ISLR2: variants seen among roughly 807,000 people sequenced by gnomAD.
ISLR2 encodes the protein immunoglobulin superfamily containing leucine rich repeat 2.
Under a neutral mutation model 25.5 loss-of-function variants are expected in ISLR2, and 16 were observed. The ratio of observed to expected loss-of-function variants is 0.63; its 90% CI spans 0.43 to 0.95. The LOEUF (loss-of-function observed/expected upper bound fraction) is 0.95, where lower values mean the gene tolerates loss of function less well. Ranked by LOEUF, ISLR2 falls within the 40% of genes least tolerant of loss-of-function variation. The pLI, the probability that ISLR2 is intolerant of heterozygous loss-of-function variation, is 0.00. For missense variants in ISLR2, 883 were observed against 1,030.7 expected (o/e 0.86, Z 1.96); for synonymous variants, 508 against 486.6 (o/e 1.04, Z -0.58).
chr15:74,133,033 C>A lies in ISLR2; in HGVS notation c.279C>A (p.Gly93=), dbSNP rs772550705. The A allele has an allele frequency of 2.5e-6, 4 of 1,613,090 alleles. No homozygotes were observed. Among genetic ancestry groups the A allele is most frequent in the Admixed American group, 3.3e-5 (2 of 60,032 alleles). Residue 93 remains glycine, a synonymous_variant, in exon 3 of 3, where the codon GGC becomes GGA. Coordinates refer to ENST00000453268, the MANE Select transcript of ISLR2 (RefSeq NM_020851.3). ...ATGAGGTGCGCACCGTGGAGCCAGG[C>A]GCACTGGCCGTGCTGAGTCAGCTCA... ...AHNEVRTVEP[G]ALAVLSQLKN...
At chr15:74,125,420 T>C (rs1295879505), upstream of ISLR2, among the ~76,000 whole-genome samples, 1 of 151,972 alleles carries the variant, frequency 6.6e-6, no homozygotes, top group East Asian at 1.9e-4. Flanking sequence ...TTAAAAAAAA[T>C]GTAGAGATGA....
In ISLR2 at chr15:74,133,936, C is replaced by T; in HGVS notation, c.1182C>T (p.Thr394=). The T allele has an allele frequency of 1.2e-6, 2 of 1,605,212 alleles. No homozygotes were observed. The highest frequency in any genetic ancestry group is 1.7e-6 in the Non-Finnish European group (2 of 1,176,088). The change falls in exon 3 of 3, where the codon ACC becomes ACT. Residue 394 remains threonine (T), a synonymous_variant. Coordinates refer to ENST00000453268, the MANE Select transcript of ISLR2 (RefSeq NM_020851.3). The part of the protein sequence containing the change: ...AGGEPDGQAP[T]SERKSTAKGR... ...GAGAACCCGACGGACAGGCCCCGAC[C>T]TCTGAGCGCAAGTCCACAGCCAAGG...
intron 2 of ISLR2, among the ~76,000 whole-genome samples, chr15:74,123,083 T>C (rs566905267): frequency 6.6e-6 from 1 of 152,052 alleles, no homozygotes; most frequent in Non-Finnish European, 1.5e-5. Flanking sequence ...TAACCTCAAA[T>C]AGCAGTGCCC....
upstream of ISLR2, chr15:74,130,097 TC>T (rs1331119682): frequency 6.6e-6 from 1 of 151,760 alleles, no homozygotes; most frequent in African/African-American, 2.4e-5. Context: ...AGTAAAGAGT[TC>T]CGGCTTAAGA....
chr15:74,109,073 A>T (rs1460155500), intron 2 of ISLR2, among the ~76,000 whole-genome samples: 1 of 152,260 alleles, frequency 6.6e-6, no homozygotes, highest in Non-Finnish European at 1.5e-5. Flanking sequence ...AAATTAAGAA[A>T]TATAGAAAAG....
At position 74,132,420 on chromosome 15, in the gene ISLR2, G is replaced by C. The variant is rs927297675; in HGVS notation, c.-8-327G>C. Among the ~76,000 whole-genome samples the C allele has an allele frequency of 1.3e-5, 2 of 152,194 alleles. No homozygotes were observed. The highest frequency in any genetic ancestry group is 1.3e-4 in the Admixed American group (2 of 15,286). On this transcript the variant is annotated intron_variant, in intron 2 of 2. Coordinates refer to ENST00000453268, the MANE Select transcript of ISLR2 (RefSeq NM_020851.3). This position sits in a 1 kb window ranked among gnomAD's most constrained non-coding sequence, Gnocchi z 4.3. ...TTAAACGAAGGCTTAGAAACACAGA[G>C]AGGGGTACGTGAGGAGCCCGCTGGA... is the stretch of plus-strand genomic sequence containing the variant.
chr15:74,104,562 C>A lies in ISLR2; in HGVS notation n.228+648C>A, dbSNP rs544714896. ...CATTGTGAGGTCACATTGGGAGGAT[C>A]TCTTGAGGCCAGGAGTTCAAGACCA... On this transcript the variant is annotated intron_variant and non_coding_transcript_variant, in intron 2 of 3. Coordinates refer to the ISLR2 transcript ENST00000561975. Among the ~76,000 whole-genome samples, 157 of 152,204 alleles carry A rather than the reference C, an allele frequency of 1.0e-3. 1 individual carries two copies. Among genetic ancestry groups the A allele is most frequent in the African/African-American group, 3.7e-3 (152 of 41,522 alleles).
intron 2 of ISLR2, among the ~76,000 whole-genome samples, chr15:74,118,698 C>A (rs1002911111): frequency 6.6e-6 from 1 of 151,634 alleles, no homozygotes; most frequent in African/African-American, 2.4e-5. Context: ...CACTCTGTCA[C>A]CCAGGCTGGA....
chr15:74,133,540 C>T lies in ISLR2; in HGVS notation c.786C>T (p.Ala262=), dbSNP rs756618014. 2 of 1,614,140 alleles carry T rather than the reference C, an allele frequency of 1.2e-6. No homozygotes were observed. Among genetic ancestry groups the T allele is most frequent in the South Asian group, 1.1e-5 (1 of 91,092 alleles). ...AGLAFVLHCI[A]DGHPTPRLQW... is the part of the protein sequence containing the mutation. ...TGGCGTTCGTGTTACACTGCATCGCCGACGGCCACCCTACGCCTCGCCTGC... is the reference window on the plus strand; with the variant it reads ...TGGCGTTCGTGTTACACTGCATCGCTGACGGCCACCCTACGCCTCGCCTGC... Residue 262 remains alanine, a synonymous_variant, in exon 3 of 3, where the codon GCC becomes GCT. Transcript: ENST00000453268.
upstream of ISLR2, chr15:74,128,134 C>A (rs1485314525): frequency 1.7e-5 from 5 of 300,674 alleles, no homozygotes; most frequent in East Asian, 1.2e-4. Context: ...ACATTAGACC[C>A]GCTTCTGCGC....
At position 74,136,569 on chromosome 15, in the gene ISLR2, G is replaced by A. The variant is rs1272687467; in HGVS notation, c.*1577G>A. ...AGTGTAGGGGGGCGGGCGGGGGGGC[G>A]GATGGGCGGGGAGGGAGGGAAGGGG... On this transcript the variant is annotated 3_prime_UTR_variant, in exon 3 of 3. Coordinates refer to ENST00000453268, the MANE Select transcript of ISLR2 (RefSeq NM_020851.3). 1 of 154,912 alleles carries A rather than the reference G, an allele frequency of 6.5e-6. No homozygotes were observed. Among genetic ancestry groups the A allele is most frequent in the African/African-American group, 2.4e-5 (1 of 41,010 alleles). The allele number at this position is 154,912 out of a possible 1,614,324, so 9.6% of individuals were successfully genotyped here.
intron 2 of ISLR2, among the ~76,000 whole-genome samples, chr15:74,117,950 C>A (rs1339437503): frequency 6.6e-6 from 1 of 152,196 alleles, no homozygotes; most frequent in Non-Finnish European, 1.5e-5. Flanking sequence ...TCTTATCGAT[C>A]CCGGCCTACC....
chr15:74,124,495 C>T (rs947867339), upstream of ISLR2, among the ~76,000 whole-genome samples: 1 of 152,146 alleles, frequency 6.6e-6, no homozygotes, highest in Non-Finnish European at 1.5e-5. Flanking sequence ...CAGTGGCTTA[C>T]ACCTGTAATT....
downstream of ISLR2, among the ~76,000 whole-genome samples, chr15:74,141,329 C>T (rs1349360238): frequency 6.6e-6 from 1 of 152,216 alleles, no homozygotes; most frequent in East Asian, 1.9e-4. Flanking sequence ...GCAACATTCT[C>T]AAACTGTTTC....
At chr15:74,107,622 A>T (rs2072131323) in intron 2 of ISLR2, among the ~76,000 whole-genome samples, 1 of 152,170 alleles carries the variant, frequency 6.6e-6, no homozygotes, top group South Asian at 2.1e-4. Flanking sequence ...CCTGGCTCCC[A>T]CAGAGGGAGC....
chr15:74,116,169 C>T (rs2072209023), intron 2 of ISLR2, among the ~76,000 whole-genome samples: 1 of 152,116 alleles, frequency 6.6e-6, no homozygotes, highest in Admixed American at 6.5e-5. Context: ...TGCACTCCAG[C>T]CTGGGCACAT....
chr15:74,124,556 T>G (rs2072277176), upstream of ISLR2, among the ~76,000 whole-genome samples: 1 of 152,066 alleles, frequency 6.6e-6, no homozygotes, highest in African/African-American at 2.4e-5. Flanking sequence ...GTCAAGAGTT[T>G]GAGACCAGCC....
chr15:74,105,020 G>GA (rs1386941365), intron 2 of ISLR2, among the ~76,000 whole-genome samples: 1 of 39,530 alleles, frequency 2.5e-5, no homozygotes, highest in East Asian at 5.9e-4. Context: ...TACTGCATCT[G>GA]GCTTTCCCAA....
At chr15:74,139,834 A>G (rs1215401725), downstream of ISLR2, among the ~76,000 whole-genome samples, 1 of 150,130 alleles carries the variant, frequency 6.7e-6, no homozygotes, top group East Asian at 1.9e-4. Flanking sequence ...TTTGGATACT[A>G]CATGGGAATG....
Sources: gnomAD v4.1 joint callset for allele counts (sites outside exome capture counted in the v4.1 genomes callset) on GRCh38, gnomAD v4.1.1 for gene constraint, Gnocchi (gnomAD v3.1) non-coding constraint, MANE v1.5 for transcripts, NCBI Gene and HGNC (gene_info 2026-07-23, HGNC 2026-07-21) for gene names.